CIBAR1: variants seen among roughly 807,000 people sequenced by gnomAD.
The protein encoded by CIBAR1 is CBY1-interacting BAR domain-containing protein 1.
In CIBAR1, 25 loss-of-function variants were observed where a neutral mutation model predicts 44.0. The observed-to-expected ratio is 0.57, with a 90% CI of 0.41 to 0.79. The LOEUF (loss-of-function observed/expected upper bound fraction) is 0.79. CIBAR1 is among the 30% of genes least tolerant of loss of function. The probability of loss-of-function intolerance (pLI) is 0.00; values close to 1 mark genes in which losing one functional copy is unlikely to be tolerated. For missense variants in CIBAR1, 278 were observed against 344.8 expected, an observed-to-expected ratio of 0.81 and a Z score of 1.53; for synonymous variants, 115 against 119.0, an observed-to-expected ratio of 0.97 and a Z score of 0.22.
At chr8:93,719,510 A>G (rs984382462) in intron 7 of CIBAR1, 2 of 152,172 alleles carry the variant, frequency 1.3e-5, no homozygotes, top group African/African-American at 4.8e-5. Context: ...GTGCTGCTAT[A>G]ACTCTCATTT....
rs746780969 is a variant in CIBAR1 at position 93,705,040 on chromosome 8, A to G, written c.432+30A>G. ...CCTTTGAATTTGGGTCTTTAAAAAA[A>G]TGTTTAAGGTATGGAGTACAAAAGT... On this transcript the variant is annotated intron_variant, in intron 4 of 8. Coordinates refer to ENST00000518322, the MANE Select transcript of CIBAR1 (RefSeq NM_145269.5). 30 of 1,486,128 alleles carry G rather than the reference A, an allele frequency of 2.0e-5. No homozygotes were observed. The South Asian group carries it at 3.3e-4, about 16-fold the overall frequency. The allele number at this position is 1,486,128 out of a possible 1,614,324, so 92.1% of individuals were successfully genotyped here.
At chr8:93,712,807 CTT>C (rs34273549) in intron 6 of CIBAR1, among the ~76,000 whole-genome samples, 2 of 137,088 alleles carry the variant, frequency 1.5e-5, no homozygotes, top group South Asian at 2.3e-4. Context: ...CATGATGATG[CTT>C]TTTTTTTTTT....
intron 7 of CIBAR1, among the ~76,000 whole-genome samples, chr8:93,724,080 A>G (rs1811377730): frequency 6.6e-6 from 1 of 152,092 alleles, no homozygotes; most frequent in African/African-American, 2.4e-5. Context: ...AAAAGTGAAA[A>G]AATTAGCCAG....
At chr8:93,717,649 G>A (rs1198097815) in intron 6 of CIBAR1, among the ~76,000 whole-genome samples, 4 of 152,130 alleles carry the variant, frequency 2.6e-5, no homozygotes, top group African/African-American at 9.7e-5. Context: ...ATCCTCCAAA[G>A]TATATGACCA....
chr8:93,731,506 A>G lies in CIBAR1; in HGVS notation c.*3209A>G, dbSNP rs891434653. On this transcript the variant is annotated 3_prime_UTR_variant, in exon 9 of 9. Coordinates refer to ENST00000518322, the MANE Select transcript of CIBAR1 (RefSeq NM_145269.5). ...AAGAATCATACTGAGGTGCTTTTTCATATCAAATTTACCTGTTTATTCATT... is the reference window on the plus strand; with the variant it reads ...AAGAATCATACTGAGGTGCTTTTTCGTATCAAATTTACCTGTTTATTCATT... 5.9e-5 allele frequency: 9 copies of G among 152,202 alleles called. No homozygotes were observed. The highest frequency in any genetic ancestry group is 2.2e-4 in the African/African-American group (9 of 41,430). The allele number at this position is 152,202 out of a possible 1,614,324, so 9.4% of individuals were successfully genotyped here.
intron 5 of CIBAR1, among the ~76,000 whole-genome samples, chr8:93,708,660 C>G (rs759763459): frequency 1.4e-4 from 21 of 151,972 alleles, no homozygotes; most frequent in Non-Finnish European, 2.8e-4. Context: ...ACATGGTTGT[C>G]TTGTAAAGAA....
intron 8 of CIBAR1, 71 bp from the exon 9 acceptor site, chr8:93,728,134 A>T: frequency 2.1e-6 from 2 of 960,440 alleles, no homozygotes; most frequent in Non-Finnish European, 2.9e-6. Context: ...AATAGCATAA[A>T]AATATACCAA....
intron 6 of CIBAR1, among the ~76,000 whole-genome samples, 194 bp from the exon 7 acceptor site, chr8:93,718,479 TTG>T (rs1460830206): frequency 2.6e-5 from 4 of 152,174 alleles, no homozygotes; most frequent in Admixed American, 1.3e-4. Context: ...AGGAAATACT[TTG>T]TATTATTTGA....
In CIBAR1 at chr8:93,728,517, A is replaced by G. The variant is rs1811649542; in HGVS notation, c.*220A>G. On this transcript the variant is annotated 3_prime_UTR_variant, in exon 9 of 9. Coordinates refer to ENST00000518322, the MANE Select transcript of CIBAR1 (RefSeq NM_145269.5). ...CCTAGTGTTACATGATTTTTGTGTA[A>G]GTGCCTTTTTTTTTAAAGATGGTGT... 1 of 376,072 alleles carries G rather than the reference A, an allele frequency of 2.7e-6. No homozygotes were observed. The highest frequency in any genetic ancestry group is 4.8e-6 in the Non-Finnish European group (1 of 209,542). The allele number at this position is 376,072 out of a possible 1,614,324, so 23.3% of individuals were successfully genotyped here.
Position 93,701,300 on chromosome 8 carries a change from G to A in CIBAR1, c.103G>A (p.Ala35Thr), listed in dbSNP as rs773238610. ...TTTTGGAGAACTGTGCCAAATCTTC[G>A]CTGCCTATGTGCGGAAAACTGCCAG... ...KHFGELCQIFAAYVRKTARLR... is the reference protein window; with the variant it reads ...KHFGELCQIFTAYVRKTARLR... Residue 35 changes from alanine (A) to threonine (T), a missense_variant, in exon 2 of 9, where the codon GCT (alanine) becomes ACT (threonine). Coordinates refer to ENST00000518322, the MANE Select transcript of CIBAR1 (RefSeq NM_145269.5). The A allele has an allele frequency of 1.2e-6, 2 of 1,613,790 alleles. No homozygotes were observed. Among genetic ancestry groups the A allele is most frequent in the Admixed American group, 3.3e-5 (2 of 59,996 alleles).
chr8:93,728,369 CTT>C lies in CIBAR1; in HGVS notation c.*74_*75del. On this transcript the variant is annotated 3_prime_UTR_variant, in exon 9 of 9. Coordinates refer to ENST00000518322, the MANE Select transcript of CIBAR1 (RefSeq NM_145269.5). The stretch of plus-strand genomic sequence containing the variant: ...ACTAAATTGTAGAACTTTATACTCA[CTT>C]TGCTATGTTAAGCCTCAAAGTGAAG... The C allele has an allele frequency of 9.9e-7, 1 of 1,005,080 alleles. No individual in the cohort carries two copies. Among genetic ancestry groups the C allele is most frequent in the Non-Finnish European group, 1.5e-6 (1 of 684,574 alleles). 62.3% of individuals were successfully genotyped at this position (1,005,080 alleles called of 1,614,324 possible).
chr8:93,717,394 G>T (rs752582741), intron 6 of CIBAR1, among the ~76,000 whole-genome samples: 28 of 152,296 alleles, frequency 1.8e-4, no homozygotes, highest in Admixed American at 7.8e-4. Flanking sequence ...GCATAATGCC[G>T]TTTATCCATC....
In CIBAR1 at chr8:93,710,926, T is replaced by A. The variant is rs78090518; in HGVS notation, c.543+1051T>A. Among the ~76,000 whole-genome samples the A allele has an allele frequency of 7.1e-3, 1,078 of 152,300 alleles. 12 individuals carry two copies. Among genetic ancestry groups the A allele is most frequent in the African/African-American group, 0.024 (1,008 of 41,570 alleles). On this transcript the variant is annotated intron_variant, in intron 6 of 8. Coordinates refer to ENST00000518322, the MANE Select transcript of CIBAR1 (RefSeq NM_145269.5). The stretch of plus-strand genomic sequence containing the variant: ...AAATAGGAGCTATAAACCAATTTTT[T>A]AATCTGTGGTTTCTGTTATAATACA...
chr8:93,725,321 C>A lies in CIBAR1; in HGVS notation c.658-1073C>A, dbSNP rs757913190. On this transcript the variant is annotated intron_variant, in intron 7 of 8. Transcript: ENST00000518322. ...ATATAATAAGTGGCCTAAAGGAAAC[C>A]CTTTAAAAATATTTTAGGTATAAGT... 2.6e-5 allele frequency among the ~76,000 whole-genome samples: 4 copies of A among 151,806 alleles called. No individual in the cohort carries two copies. In the South Asian group the frequency reaches 8.3e-4, roughly 32 times the overall value.
At chr8:93,721,605 CCTTT>C (rs1331028331) in intron 7 of CIBAR1, among the ~76,000 whole-genome samples, 6 of 152,144 alleles carry the variant, frequency 3.9e-5, no homozygotes, top group Non-Finnish European at 8.8e-5. Flanking sequence ...TCAGCTTCCT[CCTTT>C]CTAAAATGGA....
At chr8:93,726,964 G>GTA (rs1287322788) in intron 8 of CIBAR1, among the ~76,000 whole-genome samples, 2 of 152,182 alleles carry the variant, frequency 1.3e-5, no homozygotes, top group African/African-American at 2.4e-5. Context: ...GAGTTTCCCA[G>GTA]TATCTAGAGC....
At chr8:93,726,642 T>C in intron 8 of CIBAR1, 129 bp downstream of exon 8, 1 of 1,079,454 alleles carries the variant, frequency 9.3e-7, no homozygotes, top group Non-Finnish European at 1.3e-6. Context: ...TCTTCTCTTC[T>C]ATAAAATGAC....
At chr8:93,709,603 A>G in intron 5 of CIBAR1, 168 bp from the exon 6 acceptor site, 2 of 603,432 alleles carry the variant, frequency 3.3e-6, no homozygotes, top group Non-Finnish European at 6.0e-6. Context: ...TTTATTCTGC[A>G]TGTGCTTACA....
Position 93,730,151 on chromosome 8 carries a change from G to A in CIBAR1, c.*1854G>A, listed in dbSNP as rs1274323546. On this transcript the variant is annotated 3_prime_UTR_variant, in exon 9 of 9. Transcript: ENST00000518322. ...TGTAGTACATTTACTAGGATTATCA[G>A]AATTAAATGATAGTTAATTCATACA... The A allele has an allele frequency of 1.3e-5, 2 of 152,104 alleles. No homozygotes were observed. The highest frequency in any genetic ancestry group is 1.3e-4 in the Admixed American group (2 of 15,276). The allele number at this position is 152,104 out of a possible 1,614,324, so 9.4% of individuals were successfully genotyped here.
Sources: allele counts gnomAD v4.1 joint callset (sites outside exome capture counted in the v4.1 genomes callset), GRCh38; gene constraint gnomAD v4.1.1; transcripts MANE v1.5; gene names NCBI Gene and HGNC (gene_info 2026-07-23, HGNC 2026-07-21).